Variants in SASH1 observed in about 807,000 individuals in gnomAD.
SASH1 encodes the protein SAM and SH3 domain containing 1, also known as SAM and SH3 domain-containing protein 1.
Under a neutral mutation model 125.2 loss-of-function variants are expected in SASH1, and 44 were observed. The ratio of observed to expected loss-of-function variants is 0.35; its 90% CI spans 0.28 to 0.45. The LOEUF is 0.45. Among genes scored for constraint, SASH1 ranks in the 20% least tolerant of loss-of-function variants. The pLI, the probability that SASH1 is intolerant of heterozygous loss-of-function variation, is 1.00. For missense variants in SASH1, 1,426 were observed against 1,614.5 expected (o/e 0.88, Z 2.00); for synonymous variants, 639 against 649.1 (o/e 0.98, Z 0.24).
chr6:148,525,568 A>G (rs1190906294), intron 11 of SASH1, among the ~76,000 whole-genome samples: 1 of 152,198 alleles, frequency 6.6e-6, no homozygotes. Flanking sequence ...TCTCACTGCC[A>G]TCTCCTTCCT....
At chr6:148,310,750 A>G (rs1780304642) in intron 1 of SASH1, among the ~76,000 whole-genome samples, 1 of 152,212 alleles carries the variant, frequency 6.6e-6, no homozygotes, top group South Asian at 2.1e-4. Context: ...AAGATACTCA[A>G]CATAATTAGT....
the SASH1 span, among the ~76,000 whole-genome samples, chr6:148,257,285 G>A: frequency 6.6e-6 from 1 of 152,158 alleles, no homozygotes. Context: ...CTGGCACATG[G>A]TTAGGGCTTC....
chr6:148,360,639 C>A lies in SASH1; in HGVS notation c.156+17416C>A, dbSNP rs570651825. Among the ~76,000 whole-genome samples, 100 of 126,386 alleles carry A rather than the reference C, an allele frequency of 7.9e-4. 1 individual carries two copies. The highest frequency in any genetic ancestry group is 2.9e-3 in the African/African-American group (99 of 34,472). The allele number at this position is 126,386 out of a possible 152,430, so 82.9% of individuals were successfully genotyped here. On this transcript the variant is annotated intron_variant, in intron 1 of 19. Coordinates refer to ENST00000367467, the MANE Select transcript of SASH1 (RefSeq NM_015278.5). ...GTTGGGATTACAGGCGTGAGCCACC[C>A]CCCCGCCAGGCTTTAAAGCCTTTTT...
intron 1 of SASH1, among the ~76,000 whole-genome samples, chr6:148,357,679 C>A (rs1257646903): frequency 1.3e-5 from 2 of 152,150 alleles, no homozygotes; most frequent in Non-Finnish European, 2.9e-5. Flanking sequence ...CAGAACAGCA[C>A]CCATGACTGT....
the SASH1 span, among the ~76,000 whole-genome samples, chr6:148,248,521 G>T: frequency 6.6e-6 from 1 of 151,800 alleles, no homozygotes; most frequent in Non-Finnish European, 1.5e-5. Flanking sequence ...AGGTACATTT[G>T]TCAGGGGGTA....
chr6:148,287,693 G>GTA (rs1779517729), intron 1 of SASH1, among the ~76,000 whole-genome samples: 1 of 75,994 alleles, frequency 1.3e-5, no homozygotes, highest in East Asian at 3.3e-4. Flanking sequence ...GTGCGTGTGT[G>GTA]TGGGGGGGTG....
chr6:148,507,332 T>C (rs576660422), intron 8 of SASH1, among the ~76,000 whole-genome samples: 28 of 152,076 alleles, frequency 1.8e-4, no homozygotes, highest in African/African-American at 6.7e-4. Flanking sequence ...GACCCTCCAC[T>C]TGGGAGCTTC....
At position 148,319,199 on chromosome 6, in the gene SASH1, ATTCTTTTG is replaced by A. The variant is rs1160328865; in HGVS notation, n.74+46824_74+46831del. ...AGGCGCCCACCACCACGTCCGGCTA[ATTCTTTTG>A]TATTTTTTAGTGGAGACGGGGTTTC... is the stretch of plus-strand genomic sequence containing the variant. On this transcript the variant is annotated intron_variant and non_coding_transcript_variant, in intron 1 of 3. Transcript: ENST00000367469. Among the ~76,000 whole-genome samples, 8 of 151,154 alleles carry A rather than the reference ATTCTTTTG, an allele frequency of 5.3e-5. 1 individual carries two copies.
At position 148,467,100 on chromosome 6, in the gene SASH1, T is replaced by TTG. The variant is rs1777875551; in HGVS notation, c.387-1444_387-1443insGT. 3.4e-5 allele frequency among the ~76,000 whole-genome samples: 4 copies of TTG among 118,540 alleles called. No individual in the cohort carries two copies. The South Asian group carries it at 1.0e-3, about 30-fold the overall frequency. The allele number at this position is 118,540 out of a possible 152,430, so 77.8% of individuals were successfully genotyped here. A position where few individuals can be genotyped will look rare whatever the true frequency, so the allele number is the denominator to read the frequency against. On this transcript the variant is annotated intron_variant, in intron 4 of 19. Transcript: ENST00000367467. ...CTGTTCCCTGTTCCTTTTTTTTTTT[T>TTG]TTTTTTTTTTTTTGGTGATACAGTT... is the stretch of plus-strand genomic sequence containing the variant.
intron 12 of SASH1, among the ~76,000 whole-genome samples, chr6:148,530,022 G>A (rs757327049): frequency 3.9e-5 from 6 of 152,054 alleles, no homozygotes; most frequent in Non-Finnish European, 8.8e-5. Context: ...GGCCAGGCTG[G>A]TCTCGAACTC....
chr6:148,370,558 T>C (rs1055212281), intron 1 of SASH1, among the ~76,000 whole-genome samples: 5 of 152,176 alleles, frequency 3.3e-5, no homozygotes, highest in African/African-American at 1.2e-4. Flanking sequence ...GTGCGGTGGC[T>C]CACGCCTGTA....
chr6:148,494,066 T>C (rs1779216127), intron 8 of SASH1, among the ~76,000 whole-genome samples: 1 of 152,222 alleles, frequency 6.6e-6, no homozygotes. Flanking sequence ...GGTTTTCTAG[T>C]TTTTTGCTAA....
At chr6:148,359,429 T>C (rs1782101238) in intron 1 of SASH1, among the ~76,000 whole-genome samples, 1 of 151,876 alleles carries the variant, frequency 6.6e-6, no homozygotes, top group Non-Finnish European at 1.5e-5. Flanking sequence ...TGAGTCCCTA[T>C]GTCACATTTT....
chr6:148,447,655 CTCT>C (rs1423731099), intron 4 of SASH1, among the ~76,000 whole-genome samples: 1 of 141,750 alleles, frequency 7.1e-6, no homozygotes, highest in Non-Finnish European at 1.6e-5. Flanking sequence ...CCTTTTCCTC[CTCT>C]TCTTCCTCTT....
exon 1 of SASH1, chr6:148,272,370 A>T (rs1239095244): frequency 4.2e-6 from 2 of 470,738 alleles, no homozygotes; most frequent in Non-Finnish European, 4.4e-6. Context: ...GAGGAACAAG[A>T]TTGCAGGGTA....
intron 1 of SASH1, among the ~76,000 whole-genome samples, chr6:148,272,647 T>A (rs1044090841): frequency 2.0e-5 from 3 of 152,124 alleles, no homozygotes; most frequent in Admixed American, 6.6e-5. Context: ...ATATTTATTT[T>A]CCCCCAAGAC....
intron 1 of SASH1, among the ~76,000 whole-genome samples, chr6:148,319,068 T>A (rs1196843901): frequency 7.6e-6 from 1 of 132,268 alleles, no homozygotes; most frequent in South Asian, 2.7e-4. Flanking sequence ...AGTCTGGCTC[T>A]GTAGCCCAGG....
In SASH1 at chr6:148,343,046, G is replaced by A. The variant is rs1781387427; in HGVS notation, c.-22G>A. ...GGGCGCCGCGGGGACTGGGACGCAC[G>A]GCCCGCGCGCGGGACACGGCCATGG... is the stretch of plus-strand genomic sequence containing the variant. On this transcript the variant is annotated 5_prime_UTR_variant, in exon 1 of 20. Coordinates refer to ENST00000367467, the MANE Select transcript of SASH1 (RefSeq NM_015278.5). 1 of 1,258,856 alleles carries A rather than the reference G, an allele frequency of 7.9e-7. No homozygotes were observed. Among genetic ancestry groups the A allele is most frequent in the Non-Finnish European group, 1.0e-6 (1 of 1,004,610 alleles). 78.0% of individuals were successfully genotyped at this position (1,258,856 alleles called of 1,614,324 possible).
chr6:148,522,422 T>G (rs9403959), intron 10 of SASH1, among the ~76,000 whole-genome samples: 1 of 152,110 alleles, frequency 6.6e-6, no homozygotes, highest in African/African-American at 2.4e-5. Context: ...CTTGTCATAT[T>G]TCTTTCATTT....
Sources: allele counts gnomAD v4.1 joint callset (sites outside exome capture counted in the v4.1 genomes callset), GRCh38; gene constraint gnomAD v4.1.1; transcripts MANE v1.5; gene names NCBI Gene and HGNC (gene_info 2026-07-23, HGNC 2026-07-21).